KLHL4: variants seen among roughly 807,000 people sequenced by gnomAD.
The protein encoded by KLHL4 is kelch like family member 4, also known as kelch-like protein 4.
A neutral mutation model predicts 45.8 loss-of-function variants in KLHL4; 17 were observed. The ratio of observed to expected loss-of-function variants is 0.37; its 90% CI spans 0.25 to 0.56. The LOEUF (loss-of-function observed/expected upper bound fraction) is 0.56, where lower values mean the gene tolerates loss of function less well. Among genes scored for constraint, KLHL4 ranks in the 20% least tolerant of loss-of-function variants. The pLI is 0.79. For missense variants in KLHL4, 544 were observed against 544.9 expected, an observed-to-expected ratio of 1.00 and a Z score of 0.02; for synonymous variants, 224 against 189.9, an observed-to-expected ratio of 1.18 and a Z score of -1.47.
Position 87,558,379 on chromosome X carries a change from G to A in KLHL4, c.422+40064G>A, listed in dbSNP as rs1387819258. ...ATAAATGCAAAGTTTTTGGAAAAGT[G>A]GCTCACATATATGTGTTCAATAAAT... On this transcript the variant is annotated intron_variant, in intron 1 of 10. Coordinates refer to ENST00000373119, the MANE Select transcript of KLHL4 (RefSeq NM_019117.5). 2.8e-5 allele frequency among the ~76,000 whole-genome samples: 3 copies of A among 108,714 alleles called. No homozygotes were observed. The Admixed American group carries it at 3.1e-4, about 11-fold the overall frequency. 94.4% of individuals were successfully genotyped at this position (108,714 alleles called of 115,157 possible). A position where few individuals can be genotyped will look rare whatever the true frequency, so the allele number is the denominator to read the frequency against.
At chrX:87,642,608 G>T (rs762083052) in intron 9 of KLHL4, among the ~76,000 whole-genome samples, 3 of 111,958 alleles carry the variant, frequency 2.7e-5, no homozygotes, top group Non-Finnish European at 5.6e-5. Context: ...ATCAGGGAGG[G>T]ACCAGAAAAA....
intron 1 of KLHL4, among the ~76,000 whole-genome samples, chrX:87,595,589 T>A (rs1222241753): frequency 8.9e-6 from 1 of 111,791 alleles, no homozygotes; most frequent in Non-Finnish European, 1.9e-5. Flanking sequence ...CAATTTATTT[T>A]TGGAGGATAG....
chrX:87,645,143 T>A (rs1270022903), intron 9 of KLHL4, among the ~76,000 whole-genome samples: 1 of 111,624 alleles, frequency 9.0e-6, no homozygotes, highest in Non-Finnish European at 1.9e-5. Context: ...ATCTTCACGA[T>A]CCGTACATCT....
intron 6 of KLHL4, among the ~76,000 whole-genome samples, chrX:87,629,208 A>T (rs1335584007): frequency 9.0e-6 from 1 of 111,646 alleles, no homozygotes; most frequent in Non-Finnish European, 1.9e-5. Flanking sequence ...GAGCTTAGAA[A>T]TGAATTGAGA....
chrX:87,616,812 T>A (rs1397272777), intron 3 of KLHL4, among the ~76,000 whole-genome samples: 1 of 111,460 alleles, frequency 9.0e-6, no homozygotes, highest in Admixed American at 9.6e-5. Flanking sequence ...GGCTCTCCCT[T>A]CAAAATCAAA....
chrX:87,548,540 CTAAT>C (rs1931732973), intron 1 of KLHL4, among the ~76,000 whole-genome samples: 1 of 111,143 alleles, frequency 9.0e-6, no homozygotes, highest in South Asian at 3.7e-4. Context: ...AAATGATTAA[CTAAT>C]CTAAAATAAT....
At chrX:87,562,814 C>T (rs2147785723) in intron 1 of KLHL4, among the ~76,000 whole-genome samples, 1 of 111,495 alleles carries the variant, frequency 9.0e-6, no homozygotes, top group South Asian at 3.8e-4. Context: ...TGGGTGAAAA[C>T]AAATAGTGTG....
At chrX:87,552,893 CATA>C (rs1041593019) in intron 1 of KLHL4, among the ~76,000 whole-genome samples, 2 of 109,710 alleles carry the variant, frequency 1.8e-5, no homozygotes, top group African/African-American at 6.6e-5. Flanking sequence ...TATCTGATAG[CATA>C]ATAGGGTGAC....
chrX:87,573,052 G>A (rs1404568569), intron 1 of KLHL4, among the ~76,000 whole-genome samples: 5 of 111,758 alleles, frequency 4.5e-5, no homozygotes, highest in Non-Finnish European at 9.4e-5. Flanking sequence ...CATAAATTCA[G>A]TAAAGGCATT....
intron 9 of KLHL4, among the ~76,000 whole-genome samples, chrX:87,656,939 T>A (rs1288743214): frequency 1.8e-5 from 2 of 111,999 alleles, no homozygotes; most frequent in African/African-American, 3.3e-5. Flanking sequence ...GTCTCAGTGT[T>A]TTCAGTGGCA....
chrX:87,517,837 A>G lies in KLHL4; in HGVS notation c.-57A>G. 1.2e-5 allele frequency: 13 copies of G among 1,114,687 alleles called. No homozygotes were observed. The highest frequency in any genetic ancestry group is 1.8e-5 in the African/African-American group (1 of 54,743). 91.9% of individuals were successfully genotyped at this position (1,114,687 alleles called of 1,213,427 possible). A position where few individuals can be genotyped will look rare whatever the true frequency, so the allele number is the denominator to read the frequency against. On this transcript the variant is annotated 5_prime_UTR_variant, in exon 1 of 11. It adds an upstream start codon to the 5' untranslated region. Coordinates refer to ENST00000373119, the MANE Select transcript of KLHL4 (RefSeq NM_019117.5). ...CAGAAGAGGCAGAAAAACAAGAGAT[A>G]ACAAAGGCTCCGTTTCCTTTCTGTG...
intron 9 of KLHL4, among the ~76,000 whole-genome samples, chrX:87,649,280 AAT>A (rs1923732678): frequency 9.0e-6 from 1 of 111,718 alleles, no homozygotes; most frequent in Non-Finnish European, 1.9e-5. Flanking sequence ...TGGAATCATA[AAT>A]AGTTATTATT....
intron 1 of KLHL4, among the ~76,000 whole-genome samples, chrX:87,529,050 CAA>C (rs1931182669): frequency 1.0e-5 from 1 of 97,132 alleles, no homozygotes. Flanking sequence ...ATTATATATT[CAA>C]AGTGATAAAA....
At chrX:87,570,240 AAG>A (rs1448573402) in intron 1 of KLHL4, among the ~76,000 whole-genome samples, 3 of 111,419 alleles carry the variant, frequency 2.7e-5, no homozygotes, top group Non-Finnish European at 5.7e-5. Flanking sequence ...GAGACTTCAA[AAG>A]AGAGGTGGTA....
In KLHL4 at chrX:87,614,053, T is replaced by C. The variant is rs762378526; in HGVS notation, c.590+9T>C. ...CGCATCCCAGCCCATAGGTAAGTATTTTTATGTATACAGAATGGTTTTGAG... is the reference window on the plus strand; with the variant it reads ...CGCATCCCAGCCCATAGGTAAGTATCTTTATGTATACAGAATGGTTTTGAG... On this transcript the variant is annotated intron_variant, in intron 2 of 10. Transcript: ENST00000373119. 3.0e-4 allele frequency: 348 copies of C among 1,177,661 alleles called. No individual in the cohort carries two copies. The highest frequency in any genetic ancestry group is 3.6e-4 in the Non-Finnish European group (315 of 873,435).
chrX:87,659,959 AGTGT>A (rs113545604), intron 9 of KLHL4, among the ~76,000 whole-genome samples: 107 of 103,491 alleles, frequency 1.0e-3, no homozygotes, highest in African/African-American at 1.8e-3. Flanking sequence ...TGCGCGTATG[AGTGT>A]GTGTGTGTGT....
intron 6 of KLHL4, among the ~76,000 whole-genome samples, chrX:87,630,446 C>T (rs1923060574): frequency 9.0e-6 from 1 of 110,524 alleles, no homozygotes; most frequent in Admixed American, 9.7e-5. Context: ...CATATGTATA[C>T]ATGTGCCATG....
chrX:87,635,240 C>T (rs1247867918), intron 8 of KLHL4, among the ~76,000 whole-genome samples: 1 of 111,734 alleles, frequency 8.9e-6, no homozygotes, highest in Non-Finnish European at 1.9e-5. Flanking sequence ...TCCTGCCAAT[C>T]CCTTTGATCT....
intron 1 of KLHL4, among the ~76,000 whole-genome samples, chrX:87,562,107 T>G (rs1364024153): frequency 9.2e-6 from 1 of 108,818 alleles, no homozygotes; most frequent in Non-Finnish European, 1.9e-5. Flanking sequence ...GACTTCTGCT[T>G]GAGGAAAGGA....
Sources: gnomAD v4.1 joint callset for allele counts (sites outside exome capture counted in the v4.1 genomes callset) on GRCh38, gnomAD v4.1.1 for gene constraint, MANE v1.5 for transcripts, NCBI Gene and HGNC (gene_info 2026-07-23, HGNC 2026-07-21) for gene names.